The following CACNB4 variants were observed in gnomAD, a reference collection of about 807,000 sequenced individuals.
CACNB4 encodes calcium voltage-gated channel auxiliary subunit beta 4, also known as voltage-dependent L-type calcium channel subunit beta-4.
In CACNB4, 32 loss-of-function variants were observed where a neutral mutation model predicts 71.2. The observed-to-expected ratio is 0.45, with a 90% CI of 0.34 to 0.60. The LOEUF is 0.60. Ranked by LOEUF, CACNB4 falls within the 20% of genes least tolerant of loss-of-function variation. The pLI, the probability that CACNB4 is intolerant of heterozygous loss-of-function variation, is 0.01. For synonymous variants in CACNB4, 231 were observed against 236.9 expected, an observed-to-expected ratio of 0.97 and a Z score of 0.23; for missense variants, 464 against 647.9, an observed-to-expected ratio of 0.72 and a Z score of 3.08.
At chr2:151,921,184 AGTT>A (rs569760873) in intron 2 of CACNB4, among the ~76,000 whole-genome samples, 272 of 48,378 alleles carry the variant, frequency 5.6e-3, no homozygotes, top group Middle Eastern at 0.028. Context: ...TAAATAAATA[AGTT>A]AAAAAAAAAC....
At chr2:152,096,182 G>C (rs893465936) in intron 2 of CACNB4, among the ~76,000 whole-genome samples, 1 of 151,984 alleles carries the variant, frequency 6.6e-6, no homozygotes, top group African/African-American at 2.4e-5. Flanking sequence ...GAGTTGTAAA[G>C]TGCTCATAAA....
intron 2 of CACNB4, among the ~76,000 whole-genome samples, chr2:152,053,870 C>T (rs1236847249): frequency 1.3e-5 from 2 of 152,084 alleles, no homozygotes; most frequent in African/African-American, 2.4e-5. Flanking sequence ...TCATGGGAAT[C>T]CCTCAGTTAG....
chr2:152,074,541 GCAC>G (rs1282580973), intron 2 of CACNB4, among the ~76,000 whole-genome samples: 6 of 143,222 alleles, frequency 4.2e-5, no homozygotes, highest in South Asian at 2.3e-4. Context: ...ACCACCAGCA[GCAC>G]CACCACAACC....
intron 2 of CACNB4, among the ~76,000 whole-genome samples, chr2:151,930,676 G>A (rs1393388410): frequency 6.6e-6 from 1 of 151,952 alleles, no homozygotes; most frequent in African/African-American, 2.4e-5. Flanking sequence ...TAGAAGTACT[G>A]ATATGGAAAT....
chr2:151,951,556 G>C (rs980511869), intron 2 of CACNB4, among the ~76,000 whole-genome samples: 4 of 152,162 alleles, frequency 2.6e-5, no homozygotes, highest in African/African-American at 9.7e-5. Flanking sequence ...TAGTTTAAGA[G>C]AATGAGATAT....
Position 152,098,669 on chromosome 2 carries a change from G to T in CACNB4, c.64-256C>A. The T allele has an allele frequency of 6.4e-7, 1 of 1,568,804 alleles. No individual in the cohort carries two copies. Among genetic ancestry groups the T allele is most frequent in the Admixed American group, 1.9e-5 (1 of 53,802 alleles). On this transcript the variant is annotated intron_variant, in intron 1 of 13. Coordinates refer to ENST00000539935, the MANE Select transcript of CACNB4 (RefSeq NM_000726.5). This position sits in a 1 kb window ranked among gnomAD's most constrained non-coding sequence, Gnocchi z 5.3. ...ATCCATTAACAAAGACTCTCAGGGT[G>T]CGGGGTCCGAGTCCCCGGCATCCGC...
chr2:151,889,296 G>A (rs541193736), intron 2 of CACNB4, among the ~76,000 whole-genome samples: 9 of 151,784 alleles, frequency 5.9e-5, no homozygotes, highest in South Asian at 2.1e-4. Context: ...TGGTGAAACC[G>A]TCTCTACAAA....
chr2:152,029,574 A>G (rs963113994), intron 2 of CACNB4, among the ~76,000 whole-genome samples: 4 of 152,004 alleles, frequency 2.6e-5, no homozygotes, highest in African/African-American at 9.7e-5. Flanking sequence ...CCACATGAAG[A>G]CACAGCAGGA....
intron 2 of CACNB4, chr2:151,974,162 T>G (rs2099873343): frequency 6.2e-6 from 1 of 161,224 alleles, no homozygotes; most frequent in African/African-American, 2.4e-5. Flanking sequence ...GTGGAATGTT[T>G]GGAAAGGCAA....
At chr2:151,934,605 G>A (rs1293103175) in intron 2 of CACNB4, among the ~76,000 whole-genome samples, 3 of 152,190 alleles carry the variant, frequency 2.0e-5, no homozygotes, top group South Asian at 2.1e-4. Flanking sequence ...TTGGGAGGCC[G>A]AGGTGGGCGG....
At chr2:152,072,463 AAAC>A (rs1208057457) in intron 2 of CACNB4, among the ~76,000 whole-genome samples, 2 of 152,236 alleles carry the variant, frequency 1.3e-5, no homozygotes, top group Non-Finnish European at 2.9e-5. Context: ...TACTTTTCCT[AAAC>A]AACAAAATTC....
intron 4 of CACNB4, among the ~76,000 whole-genome samples, 195 bp from the exon 5 acceptor site, chr2:151,876,751 A>ATATTTTATATG (rs2099846409): frequency 7.0e-6 from 1 of 143,532 alleles, no homozygotes; most frequent in African/African-American, 2.6e-5. Context: ...TTTTATATGT[A>ATATTTTATATG]TATGTGTGTA....
At chr2:152,065,702 C>T (rs550254099) in intron 2 of CACNB4, among the ~76,000 whole-genome samples, 357 of 152,230 alleles carry the variant, frequency 2.3e-3, no homozygotes, top group Non-Finnish European at 3.9e-3. Flanking sequence ...CTTGTCCTTT[C>T]CTCAGGTTGT....
intron 2 of CACNB4, among the ~76,000 whole-genome samples, chr2:151,921,765 G>A (rs945315758): frequency 2.0e-5 from 3 of 152,146 alleles, no homozygotes; most frequent in African/African-American, 4.8e-5. Flanking sequence ...TTCCCTTGCT[G>A]TTCTTGTGAT....
In CACNB4 at chr2:151,870,827, G is replaced by A; in HGVS notation, c.618+15C>T. On this transcript the variant is annotated intron_variant, in intron 7 of 13. Coordinates refer to ENST00000539935, the MANE Select transcript of CACNB4 (RefSeq NM_000726.5). ...GGAACCTTAACAGTAGATTTAAAAA[G>A]GAAACACAACTTACCACTTTTTGCT... 1 of 1,596,058 alleles carries A rather than the reference G, an allele frequency of 6.3e-7. No homozygotes were observed.
intron 2 of CACNB4, among the ~76,000 whole-genome samples, chr2:151,888,301 C>T (rs1279289857): frequency 1.3e-5 from 2 of 152,118 alleles, no homozygotes; most frequent in Non-Finnish European, 2.9e-5. Context: ...GTAGCTCATG[C>T]CTGAAATCCC....
intron 12 of CACNB4, among the ~76,000 whole-genome samples, chr2:151,849,111 C>A (rs898408521): frequency 1.3e-5 from 2 of 152,134 alleles, no homozygotes; most frequent in African/African-American, 4.8e-5. Flanking sequence ...AGAGGAAAGT[C>A]CTTCCTCTTC....
chr2:151,908,748 T>C (rs2099855414), intron 2 of CACNB4, among the ~76,000 whole-genome samples: 1 of 152,148 alleles, frequency 6.6e-6, no homozygotes, highest in East Asian at 1.9e-4. Context: ...TTGCTGCAGC[T>C]TGAGAGATTT....
At chr2:152,076,003 C>A (rs1235286170) in intron 2 of CACNB4, among the ~76,000 whole-genome samples, 2 of 152,176 alleles carry the variant, frequency 1.3e-5, no homozygotes, top group African/African-American at 2.4e-5. Flanking sequence ...GAAATCCTGT[C>A]ACCTAATTCA....
Sources: allele counts gnomAD v4.1 joint callset (sites outside exome capture counted in the v4.1 genomes callset), GRCh38; gene constraint gnomAD v4.1.1; non-coding constraint Gnocchi (gnomAD v3.1); transcripts MANE v1.5; gene names NCBI Gene and HGNC (gene_info 2026-07-23, HGNC 2026-07-21).